Variants in RTKN2 observed in about 807,000 individuals in gnomAD.
RTKN2 encodes rhotekin-2.
In RTKN2, 69 loss-of-function variants were observed where a neutral mutation model predicts 71.5. That is an observed-to-expected ratio of 0.96 (90% CI 0.79 to 1.18). RTKN2 has a LOEUF of 1.18. RTKN2 is among the 50% of genes most tolerant of loss of function. The pLI, the probability that RTKN2 is intolerant of heterozygous loss-of-function variation, is 0.00. For synonymous variants in RTKN2, 236 were observed against 236.5 expected (o/e 1.00, Z 0.02); for missense variants, 724 against 719.7 (o/e 1.01, Z -0.07).
At chr10:62,216,394 G>T (rs941870715) in intron 9 of RTKN2, among the ~76,000 whole-genome samples, 1 of 151,952 alleles carries the variant, frequency 6.6e-6, no homozygotes, top group African/African-American at 2.4e-5. Flanking sequence ...TTTAGAGTAG[G>T]AATGCTCTAA....
intron 10 of RTKN2, among the ~76,000 whole-genome samples, chr10:62,200,427 C>G (rs1416572449): frequency 6.8e-6 from 1 of 147,744 alleles, no homozygotes; most frequent in African/African-American, 2.5e-5. Context: ...AGACATTAGG[C>G]TAAAATCTCT....
intron 8 of RTKN2, among the ~76,000 whole-genome samples, chr10:62,186,208 G>A (rs1304027927): frequency 1.3e-5 from 2 of 152,144 alleles, no homozygotes; most frequent in East Asian, 3.8e-4. Context: ...TAACGTATAT[G>A]CTTTCATTTC....
intron 2 of RTKN2, among the ~76,000 whole-genome samples, chr10:62,248,809 T>C (rs887025456): frequency 1.3e-5 from 2 of 152,196 alleles, no homozygotes; most frequent in Middle Eastern, 3.2e-3. Flanking sequence ...AGCGGGAATT[T>C]AAAACAGCAT....
At chr10:62,188,361 G>A (rs972728189), downstream of RTKN2, among the ~76,000 whole-genome samples, 2 of 152,152 alleles carry the variant, frequency 1.3e-5, no homozygotes, top group African/African-American at 4.8e-5. Context: ...ATCCAAGAGA[G>A]GGAAACAGCA....
At position 62,199,855 on chromosome 10, in the gene RTKN2, C is replaced by A. The variant is rs771911492; in HGVS notation, c.1193G>T (p.Trp398Leu). 3.7e-6 allele frequency: 6 copies of A among 1,606,554 alleles called. No individual in the cohort carries two copies. The African/African-American group carries it at 8.0e-5, about 21-fold the overall frequency. The change falls in exon 11 of 12, where the codon TGG becomes TTG. Residue 398 changes from tryptophan to leucine, a missense_variant. Trp to Leu is a moderately conservative substitution (Grantham distance 61). Transcript: ENST00000373789. Reference sequence around the variant, plus strand: ...CATAAGTTCTTCACAACAGTGCTTCCATTGGCCTAAGACAGACAGAAAAAA... The same window carrying A: ...CATAAGTTCTTCACAACAGTGCTTCAATTGGCCTAAGACAGACAGAAAAAA... ...FWQHFFDLSQ[W>L]KHCCEELMKI...
chr10:62,218,049 A>G (rs531246831), intron 8 of RTKN2, 146 bp downstream of exon 8: 22 of 551,458 alleles, frequency 4.0e-5, no homozygotes, highest in Non-Finnish European at 6.0e-5. Context: ...CACCCCCTAC[A>G]GTTTATATCT....
intron 10 of RTKN2, among the ~76,000 whole-genome samples, chr10:62,201,860 T>A (rs1780508632): frequency 6.6e-6 from 1 of 152,110 alleles, no homozygotes; most frequent in Non-Finnish European, 1.5e-5. Flanking sequence ...TATGCATAGC[T>A]ATACATGATA....
chr10:62,260,417 T>C (rs1842752267), intron 2 of RTKN2, among the ~76,000 whole-genome samples: 1 of 152,214 alleles, frequency 6.6e-6, no homozygotes. Context: ...TCAGGTTATA[T>C]CTTCACATAC....
At chr10:62,242,075 T>C (rs1437695166) in intron 3 of RTKN2, among the ~76,000 whole-genome samples, 1 of 150,390 alleles carries the variant, frequency 6.6e-6, no homozygotes, top group Non-Finnish European at 1.5e-5. Context: ...CTTCAACTTC[T>C]GGGCTCAAGC....
chr10:62,194,240 C>T lies in RTKN2; in HGVS notation c.*3668G>A. ...TTGTCTTTTAAAAACCCAAAGGTAACATCTTTCCCAGAGTTAACTAAGAAC... is the reference window on the plus strand; with the variant it reads ...TTGTCTTTTAAAAACCCAAAGGTAATATCTTTCCCAGAGTTAACTAAGAAC... On this transcript the variant is annotated 3_prime_UTR_variant, in exon 12 of 12. Coordinates refer to ENST00000373789, the MANE Select transcript of RTKN2 (RefSeq NM_145307.4). The T allele has an allele frequency of 2.0e-6, 2 of 985,024 alleles. No homozygotes were observed. Among genetic ancestry groups the T allele is most frequent in the Non-Finnish European group, 2.4e-6 (2 of 829,618 alleles). The allele number at this position is 985,024 out of a possible 1,614,324, so 61.0% of individuals were successfully genotyped here. A position where few individuals can be genotyped will look rare whatever the true frequency, so the allele number is the denominator to read the frequency against.
intron 2 of RTKN2, chr10:62,259,398 GTTAA>G (rs1842732451): frequency 4.2e-6 from 1 of 238,006 alleles, no homozygotes; most frequent in Admixed American, 5.2e-5. Flanking sequence ...TGGAAAGGCT[GTTAA>G]TTAATACCAA....
In RTKN2 at chr10:62,194,126, C is replaced by T. The variant is rs949761516; in HGVS notation, c.*3782G>A. On this transcript the variant is annotated 3_prime_UTR_variant, in exon 12 of 12. Coordinates refer to ENST00000373789, the MANE Select transcript of RTKN2 (RefSeq NM_145307.4). Reference sequence around the variant, plus strand: ...ATACTTTTTAATCCAAAAGTCTGACCCATATTAAAAAATAAAAATTATAAA... The same window carrying T: ...ATACTTTTTAATCCAAAAGTCTGACTCATATTAAAAAATAAAAATTATAAA... 1.0e-6 allele frequency: 1 copy of T among 977,616 alleles called. No individual in the cohort carries two copies. Among genetic ancestry groups the T allele is most frequent in the Non-Finnish European group, 1.2e-6 (1 of 823,110 alleles). The allele number at this position is 977,616 out of a possible 1,614,324, so 60.6% of individuals were successfully genotyped here. A position where few individuals can be genotyped will look rare whatever the true frequency, so the allele number is the denominator to read the frequency against.
intron 5 of RTKN2, among the ~76,000 whole-genome samples, chr10:62,236,504 T>A (rs1171996409): frequency 2.0e-5 from 3 of 151,922 alleles, no homozygotes; most frequent in Non-Finnish European, 4.4e-5. Context: ...GCGGAGTCAT[T>A]ATGGAAAGCA....
At chr10:62,227,867 C>T (rs1842063015) in intron 6 of RTKN2, among the ~76,000 whole-genome samples, 1 of 152,072 alleles carries the variant, frequency 6.6e-6, no homozygotes, top group African/African-American at 2.4e-5. Flanking sequence ...AGTTTCAGTG[C>T]AAAGACAGGA....
chr10:62,220,629 C>T (rs1267999593), intron 7 of RTKN2, among the ~76,000 whole-genome samples: 2 of 152,056 alleles, frequency 1.3e-5, no homozygotes, highest in African/African-American at 4.8e-5. Flanking sequence ...AGAACAAAAG[C>T]TACACAACAG....
chr10:62,249,087 A>AT (rs1842529268), intron 2 of RTKN2, among the ~76,000 whole-genome samples: 3 of 152,200 alleles, frequency 2.0e-5, no homozygotes, highest in African/African-American at 7.2e-5. Context: ...TTTAAATACA[A>AT]GTTTTATTAT....
At chr10:62,213,649 AC>A (rs1841706611) in intron 9 of RTKN2, among the ~76,000 whole-genome samples, 1 of 152,152 alleles carries the variant, frequency 6.6e-6, no homozygotes, top group Non-Finnish European at 1.5e-5. Flanking sequence ...AATAGGAGTT[AC>A]ATGTTGAAGT....
intron 2 of RTKN2, among the ~76,000 whole-genome samples, chr10:62,258,197 CA>C (rs1010311871): frequency 2.1e-4 from 32 of 152,214 alleles, no homozygotes; most frequent in African/African-American, 7.5e-4. Context: ...AAGGGTGGTA[CA>C]AAAGTAGCAC....
intron 3 of RTKN2, among the ~76,000 whole-genome samples, chr10:62,244,551 G>A (rs1343688761): frequency 6.6e-6 from 1 of 151,862 alleles, no homozygotes; most frequent in Non-Finnish European, 1.5e-5. Context: ...CTTAACATAT[G>A]TCATTTATAT....
Sources: gnomAD v4.1 joint callset for allele counts (sites outside exome capture counted in the v4.1 genomes callset) on GRCh38, gnomAD v4.1.1 for gene constraint, MANE v1.5 for transcripts, NCBI Gene and HGNC (gene_info 2026-07-23, HGNC 2026-07-21) for gene names.